Variants in MEIS1 observed in about 807,000 individuals in gnomAD.
MEIS1 encodes homeobox protein Meis1.
A neutral mutation model predicts 50.8 loss-of-function variants in MEIS1; 5 were observed. The observed-to-expected ratio is 0.10, with a 90% CI of 0.05 to 0.21. The LOEUF (loss-of-function observed/expected upper bound fraction) is 0.21, where lower values mean the gene tolerates loss of function less well. Among genes scored for constraint, MEIS1 ranks in the 10% least tolerant of loss-of-function variants. The pLI is 1.00. For synonymous variants in MEIS1, 176 were observed against 179.3 expected (o/e 0.98, Z 0.15); for missense variants, 318 against 517.3 (o/e 0.61, Z 3.74).
chr2:66,436,160 C>T (rs1671792420), intron 1 of MEIS1, among the ~76,000 whole-genome samples: 2 of 151,876 alleles, frequency 1.3e-5, no homozygotes, highest in African/African-American at 4.8e-5. Context: ...AGCTAGATAC[C>T]TAAAGCTGTA....
At chr2:66,500,768 T>A (rs1673534279) in intron 7 of MEIS1, among the ~76,000 whole-genome samples, 1 of 152,152 alleles carries the variant, frequency 6.6e-6, no homozygotes, top group Non-Finnish European at 1.5e-5. Flanking sequence ...TGTATTTTAT[T>A]TAATTGAGTT....
At chr2:66,540,866 A>G (rs1674633430) in intron 8 of MEIS1, among the ~76,000 whole-genome samples, 1 of 152,140 alleles carries the variant, frequency 6.6e-6, no homozygotes, top group Non-Finnish European at 1.5e-5. Flanking sequence ...ATAAATTTGT[A>G]AGCAACTTTA....
At chr2:66,475,635 G>T (rs1444571033) in intron 7 of MEIS1, among the ~76,000 whole-genome samples, 3 of 152,258 alleles carry the variant, frequency 2.0e-5, no homozygotes, top group Middle Eastern at 3.4e-3. Context: ...CAACATCCAT[G>T]GAAGTTGCTC....
At chr2:66,470,435 CAGAG>C (rs1351392681) in intron 7 of MEIS1, among the ~76,000 whole-genome samples, 1 of 152,180 alleles carries the variant, frequency 6.6e-6, no homozygotes, top group Admixed American at 6.5e-5. Flanking sequence ...GATGTAGAGA[CAGAG>C]AACTGTTTTC....
chr2:66,442,717 T>C (rs1672025794), intron 5 of MEIS1, 185 bp from the exon 6 acceptor site: 1 of 543,900 alleles, frequency 1.8e-6, no homozygotes, highest in East Asian at 3.2e-5. Flanking sequence ...CTGGGATATC[T>C]CTATTTTGCA....
chr2:66,520,145 T>TAG (rs747887223), intron 8 of MEIS1, among the ~76,000 whole-genome samples: 7 of 152,052 alleles, frequency 4.6e-5, no homozygotes, highest in Non-Finnish European at 7.4e-5. Context: ...TTGCAGTTTA[T>TAG]AGAAGTTTAG....
In MEIS1 at chr2:66,573,419, T is replaced by C. The variant is rs1675517785; in HGVS notation, c.*2211T>C. ...AAGCCTTTCAGTAGTGATTGCTTTG[T>C]AAACAAAGGATGGGTCGGAGGAGAG... On this transcript the variant is annotated 3_prime_UTR_variant, in exon 13 of 13. Coordinates refer to ENST00000272369, the MANE Select transcript of MEIS1 (RefSeq NM_002398.3). 6.6e-6 allele frequency: 1 copy of C among 152,222 alleles called. No individual in the cohort carries two copies. The highest frequency in any genetic ancestry group is 2.4e-5 in the African/African-American group (1 of 41,458). 9.4% of individuals were successfully genotyped at this position (152,222 alleles called of 1,614,324 possible).
intron 1 of MEIS1, 66 bp downstream of exon 1, chr2:66,435,934 CT>C: frequency 6.9e-7 from 1 of 1,446,568 alleles, no homozygotes; most frequent in Non-Finnish European, 9.3e-7. Flanking sequence ...CCGAAAGACA[CT>C]GCTAAAAAGT....
intron 7 of MEIS1, among the ~76,000 whole-genome samples, chr2:66,478,286 C>T (rs892186297): frequency 7.2e-5 from 11 of 152,138 alleles, no homozygotes; most frequent in Non-Finnish European, 1.6e-4. Flanking sequence ...GGAAGCATTG[C>T]TTTTAGGCCC....
chr2:66,483,126 C>G (rs952632825), intron 7 of MEIS1, among the ~76,000 whole-genome samples: 6 of 151,960 alleles, frequency 3.9e-5, no homozygotes, highest in Non-Finnish European at 1.5e-5. Flanking sequence ...CTGTCATTAC[C>G]ACATCATCAT....
intron 7 of MEIS1, among the ~76,000 whole-genome samples, chr2:66,502,352 A>T (rs1326861803): frequency 6.6e-6 from 1 of 152,216 alleles, no homozygotes; most frequent in African/African-American, 2.4e-5. Context: ...TAAGAATGGC[A>T]TCTGTTGATT....
chr2:66,521,392 C>T (rs150677121), intron 8 of MEIS1, among the ~76,000 whole-genome samples: 86 of 151,048 alleles, frequency 5.7e-4, no homozygotes, highest in Non-Finnish European at 1.0e-3. Flanking sequence ...GTGGCCTGGA[C>T]GCCAAAGAGC....
chr2:66,509,744 A>G (rs1270403068), intron 7 of MEIS1, among the ~76,000 whole-genome samples: 1 of 152,190 alleles, frequency 6.6e-6, no homozygotes, highest in Non-Finnish European at 1.5e-5. Context: ...GGAGTATATA[A>G]TTCAGGTGCC....
intron 7 of MEIS1, chr2:66,509,020 T>TC (rs1393939518): frequency 8.5e-6 from 4 of 471,180 alleles, no homozygotes; most frequent in South Asian, 6.2e-5. Flanking sequence ...CCGGCGGTTC[T>TC]CCAAGTTTGT....
At chr2:66,440,061 G>C in intron 3 of MEIS1, 77 bp downstream of exon 3, 1 of 1,202,446 alleles carries the variant, frequency 8.3e-7, no homozygotes, top group Non-Finnish European at 1.1e-6. Flanking sequence ...GCGCGCGCGC[G>C]CGCGCGAACA....
chr2:66,522,066 T>C (rs944808436), intron 8 of MEIS1, among the ~76,000 whole-genome samples: 3 of 152,222 alleles, frequency 2.0e-5, no homozygotes, highest in Admixed American at 1.3e-4. Flanking sequence ...ATTAATAGTT[T>C]AAAGGAAAAC....
intron 9 of MEIS1, among the ~76,000 whole-genome samples, chr2:66,558,465 T>C (rs969945784): frequency 3.9e-5 from 6 of 152,158 alleles, no homozygotes; most frequent in African/African-American, 1.4e-4. Flanking sequence ...TTGTCTTTAT[T>C]CGAGAGATTG....
chr2:66,436,470 C>A (rs1253248353), intron 1 of MEIS1, among the ~76,000 whole-genome samples: 1 of 152,178 alleles, frequency 6.6e-6, no homozygotes, highest in African/African-American at 2.4e-5. Context: ...AAATGCAATA[C>A]TAATTTCCCC....
intron 9 of MEIS1, among the ~76,000 whole-genome samples, chr2:66,559,229 C>T (rs1005477176): frequency 2.0e-5 from 3 of 151,888 alleles, no homozygotes; most frequent in East Asian, 1.9e-4. Flanking sequence ...TCTAACACAA[C>T]GGGGTTTTAA....
Sources: allele counts gnomAD v4.1 joint callset (sites outside exome capture counted in the v4.1 genomes callset), GRCh38; gene constraint gnomAD v4.1.1; transcripts MANE v1.5; gene names NCBI Gene and HGNC (gene_info 2026-07-23, HGNC 2026-07-21).